Variants in MPP7 observed in about 807,000 individuals in gnomAD.
The protein encoded by MPP7 is MAGUK p55 subfamily member 7.
Under a neutral mutation model 76.5 loss-of-function variants are expected in MPP7, and 60 were observed. The ratio of observed to expected loss-of-function variants is 0.78; its 90% confidence interval spans 0.64 to 0.97. The LOEUF (loss-of-function observed/expected upper bound fraction) is 0.97, where lower values mean the gene tolerates loss of function less well. Among genes scored for constraint, MPP7 ranks in the 50% least tolerant of loss-of-function variants. The pLI, the probability that MPP7 is intolerant of heterozygous loss-of-function variation, is 0.00. For missense variants in MPP7, 641 were observed against 694.0 expected (o/e 0.92, Z 0.86); for synonymous variants, 237 against 244.5 (o/e 0.97, Z 0.29).
At chr10:28,308,656 T>C (rs1381324867) in intron 2 of MPP7, among the ~76,000 whole-genome samples, 1 of 152,134 alleles carries the variant, frequency 6.6e-6, no homozygotes, top group African/African-American at 2.4e-5. Context: ...TGCACACCTG[T>C]AGTCTCAGCT....
In MPP7 at chr10:28,302,889, A is replaced by T. The variant is rs1449053727; in HGVS notation, c.-160T>A. 6.6e-6 allele frequency among the ~76,000 whole-genome samples: 1 copy of T among 152,094 alleles called. No homozygotes were observed. The highest frequency in any genetic ancestry group is 1.5e-5 in the Non-Finnish European group (1 of 67,990). On this transcript the variant is annotated 5_prime_UTR_variant, in exon 1 of 17. Coordinates refer to ENST00000683449, the MANE Select transcript of MPP7 (RefSeq NM_001318170.2). ...CTCTGGGCTGCCGCGGTCCGCGGGCAGGAGGCGCACTCGCTCTGGCCCCTG... is the reference window on the plus strand; with the variant it reads ...CTCTGGGCTGCCGCGGTCCGCGGGCTGGAGGCGCACTCGCTCTGGCCCCTG...
intron 11 of MPP7, among the ~76,000 whole-genome samples, chr10:28,104,071 G>T (rs942486098): frequency 6.6e-6 from 1 of 151,998 alleles, no homozygotes; most frequent in Non-Finnish European, 1.5e-5. Context: ...AGTAATTTTG[G>T]TATGAGGAAT....
chr10:28,123,989 AT>A, intron 8 of MPP7, 41 bp downstream of exon 8: 1 of 1,328,214 alleles, frequency 7.5e-7, no homozygotes, highest in Admixed American at 1.7e-5. Context: ...CAGTGATTCG[AT>A]TTTATTTTTA....
At chr10:28,227,380 A>G (rs1838729321) in intron 2 of MPP7, among the ~76,000 whole-genome samples, 1 of 149,150 alleles carries the variant, frequency 6.7e-6, no homozygotes, top group Non-Finnish European at 1.5e-5. Context: ...AACGTGTGCC[A>G]TGGTGGTTTG....
chr10:28,150,099 A>G (rs1588851752), intron 3 of MPP7, 40 bp from the exon 4 acceptor site: 1 of 1,405,822 alleles, frequency 7.1e-7, no homozygotes, highest in Non-Finnish European at 1.0e-6. Flanking sequence ...ACCTGCTAGC[A>G]AACAATCTCA....
chr10:28,254,237 T>C (rs1322172763), intron 1 of MPP7, among the ~76,000 whole-genome samples: 1 of 152,176 alleles, frequency 6.6e-6, no homozygotes, highest in Non-Finnish European at 1.5e-5. Flanking sequence ...AAAATCTTGC[T>C]GAATATAACT....
intron 2 of MPP7, among the ~76,000 whole-genome samples, chr10:28,218,317 A>G (rs1250592789): frequency 1.3e-5 from 2 of 152,162 alleles, no homozygotes; most frequent in African/African-American, 2.4e-5. Context: ...AGAGGAATTA[A>G]TCTTCAGATT....
chr10:28,177,605 T>C (rs1478933246), intron 3 of MPP7, among the ~76,000 whole-genome samples: 1 of 152,194 alleles, frequency 6.6e-6, no homozygotes, highest in East Asian at 1.9e-4. Flanking sequence ...GTTGATGGAT[T>C]ACAATAATGC....
intron 6 of MPP7, among the ~76,000 whole-genome samples, chr10:28,125,690 C>G (rs11006888): frequency 6.6e-6 from 1 of 152,094 alleles, no homozygotes; most frequent in African/African-American, 2.4e-5. Context: ...TATTTGTTGC[C>G]TAAGTCTAAG....
chr10:28,151,566 A>C (rs917971812), intron 3 of MPP7, among the ~76,000 whole-genome samples: 1 of 152,186 alleles, frequency 6.6e-6, no homozygotes, highest in Non-Finnish European at 1.5e-5. Flanking sequence ...AAACATAGAG[A>C]CTTATTAAGA....
At chr10:28,106,788 G>A (rs897883496) in intron 11 of MPP7, among the ~76,000 whole-genome samples, 1 of 152,146 alleles carries the variant, frequency 6.6e-6, no homozygotes, top group Non-Finnish European at 1.5e-5. Flanking sequence ...GGCTTCCGGT[G>A]AAAATGTTTC....
intron 1 of MPP7, among the ~76,000 whole-genome samples, chr10:28,252,319 C>T (rs1199030908): frequency 2.0e-5 from 3 of 152,156 alleles, no homozygotes; most frequent in Non-Finnish European, 4.4e-5. Flanking sequence ...TTTGGGTAAA[C>T]GGCGACATGT....
chr10:28,202,837 A>C (rs1461939269), intron 2 of MPP7: 1 of 152,226 alleles, frequency 6.6e-6, no homozygotes, highest in Non-Finnish European at 1.5e-5. Context: ...TATCAAAAAA[A>C]AAAAAGCTAC....
intron 3 of MPP7, among the ~76,000 whole-genome samples, chr10:28,171,727 A>G (rs1836687796): frequency 6.6e-6 from 1 of 152,216 alleles, no homozygotes; most frequent in Non-Finnish European, 1.5e-5. Flanking sequence ...GGGTAACAAA[A>G]GCACACCCTC....
chr10:28,277,923 T>A (rs1296816882), intron 1 of MPP7, among the ~76,000 whole-genome samples: 1 of 152,062 alleles, frequency 6.6e-6, no homozygotes, highest in Non-Finnish European at 1.5e-5. Context: ...AAGGAATCCA[T>A]GAAAAAGTGG....
At chr10:28,166,023 C>CAAAA (rs9299600) in intron 3 of MPP7, among the ~76,000 whole-genome samples, 27 of 99,736 alleles carry the variant, frequency 2.7e-4, no homozygotes, top group South Asian at 1.1e-3. Flanking sequence ...AGACTCATCT[C>CAAAA]AAAAAAAAAA....
rs200981723 is a variant in MPP7 at position 28,315,921 on chromosome 10, CT to C, written c.-132+14007del. ...TGCATGGCCTTCCTCCCCTAAACCCCTATCCCCAGTCATGAGAAAAACATCA... is the reference window on the plus strand; with the variant it reads ...TGCATGGCCTTCCTCCCCTAAACCCCATCCCCAGTCATGAGAAAAACATCA... On this transcript the variant is annotated intron_variant, in intron 2 of 11. Coordinates refer to the MPP7 transcript ENST00000441595. Among the ~76,000 whole-genome samples the C allele has an allele frequency of 3.3e-3, 503 of 152,300 alleles. 10 individuals are homozygous for C. Among genetic ancestry groups the C allele is most frequent in the Admixed American group, 0.029 (441 of 15,308 alleles).
chr10:28,199,749 G>A (rs979917562), intron 3 of MPP7, among the ~76,000 whole-genome samples: 2 of 151,866 alleles, frequency 1.3e-5, no homozygotes, highest in African/African-American at 4.8e-5. Flanking sequence ...TAGGACTGCA[G>A]GCATACACTA....
intron 1 of MPP7, among the ~76,000 whole-genome samples, chr10:28,243,530 T>G (rs1214517412): frequency 2.0e-5 from 3 of 152,186 alleles, no homozygotes; most frequent in Non-Finnish European, 4.4e-5. Context: ...AGCTCAAGAT[T>G]GATCAATGGA....
Sources: allele counts gnomAD v4.1 joint callset (sites outside exome capture counted in the v4.1 genomes callset), GRCh38; gene constraint gnomAD v4.1.1; transcripts MANE v1.5; gene names NCBI Gene and HGNC (gene_info 2026-07-23, HGNC 2026-07-21).